The following CEP95 variants were observed in gnomAD, a reference collection of about 807,000 sequenced individuals.
CEP95 encodes centrosomal protein of 95 kDa.
Under a neutral mutation model 111.2 loss-of-function variants are expected in CEP95, and 98 were observed. That is an observed-to-expected ratio of 0.88 (90% CI 0.75 to 1.04). The LOEUF is 1.04. Ranked by LOEUF, CEP95 falls within the 50% of genes least tolerant of loss-of-function variation. The pLI is 0.00. For missense variants in CEP95, 1,027 were observed against 977.2 expected (o/e 1.05, Z -0.68); for synonymous variants, 323 against 327.1 (o/e 0.99, Z 0.14).
rs1555680775 is a variant in CEP95, at chr17:64,533,150, A to G, written c.1876A>G (p.Thr626Ala). 2 of 1,595,054 alleles carry G rather than the reference A, an allele frequency of 1.3e-6. No individual in the cohort carries two copies. Among genetic ancestry groups the G allele is most frequent in the East Asian group, 4.5e-5 (2 of 44,828 alleles). The change falls in exon 16 of 20, where the codon ACT becomes GCT. Residue 626 changes from threonine (T) to alanine (A), a missense_variant. Physicochemically the swap from Thr to Ala is moderately conservative, Grantham distance 58 (BLOSUM62 0). Transcript: ENST00000556440. ...EEALRRHDLL[T>A]TLVKKEYEHN... Reference sequence around the variant, plus strand: ...AGCCCTAAGAAGGCATGACCTCCTTACTACCCTTGTCAAGAAAGAATATGA... The same window carrying G: ...AGCCCTAAGAAGGCATGACCTCCTTGCTACCCTTGTCAAGAAAGAATATGA...
chr17:64,519,297 G>A (rs782065405), intron 5 of CEP95, 24 bp from the exon 6 acceptor site: 2 of 1,567,052 alleles, frequency 1.3e-6, no homozygotes, highest in African/African-American at 2.7e-5. Context: ...GCTGGGCCCT[G>A]AGTGAAGGAG....
At chr17:64,515,614 A>G (rs552059001) in intron 4 of CEP95, 13 of 152,258 alleles carry the variant, frequency 8.5e-5, no homozygotes, top group African/African-American at 3.1e-4. Context: ...CCCAGGGGAG[A>G]TCGGCAGTAT....
intron 3 of CEP95, among the ~76,000 whole-genome samples, chr17:64,513,678 T>G (rs1555675655): frequency 6.6e-6 from 1 of 152,120 alleles, no homozygotes; most frequent in Non-Finnish European, 1.5e-5. Flanking sequence ...AATGGTATGA[T>G]CTATACAAAA....
At chr17:64,534,508 G>A in intron 16 of CEP95, 77 bp from the exon 17 acceptor site, 1 of 1,321,074 alleles carries the variant, frequency 7.6e-7, no homozygotes, top group Non-Finnish European at 1.1e-6. Flanking sequence ...GTGATGGGGA[G>A]TGAGGCAGAT....
chr17:64,526,181 G>A lies in CEP95; in HGVS notation c.1133G>A (p.Arg378Gln), dbSNP rs782566258. ...GATGTATCAGAAAAACTCTCTCAGC[G>A]GCTTTCTGAACTAGATTGGGCAAGT... ...LHDVSEKLSQ[R>Q]LSELDWMLKS... The change falls in exon 10 of 20, where the codon CGG (arginine) becomes CAG (glutamine). Residue 378 changes from arginine (R) to glutamine (Q), a missense_variant. By Grantham distance (43) the Arg-to-Gln change is conservative (BLOSUM62 1). Coordinates refer to ENST00000556440, the MANE Select transcript of CEP95 (RefSeq NM_138363.3). The A allele has an allele frequency of 5.1e-5, 82 of 1,612,338 alleles. No homozygotes were observed. Among genetic ancestry groups the A allele is most frequent in the Non-Finnish European group, 6.4e-5 (76 of 1,179,438 alleles).
chr17:64,510,694 T>C (rs2038846111), intron 3 of CEP95, among the ~76,000 whole-genome samples: 1 of 152,128 alleles, frequency 6.6e-6, no homozygotes, highest in African/African-American at 2.4e-5. Context: ...GGGCTACAGG[T>C]GTGCACCACC....
At chr17:64,518,559 C>G (rs1967055087) in intron 5 of CEP95, among the ~76,000 whole-genome samples, 1 of 152,202 alleles carries the variant, frequency 6.6e-6, no homozygotes, top group African/African-American at 2.4e-5. Context: ...GATTGCACTT[C>G]TTGCTAACTA....
At chr17:64,508,875 T>C (rs1555673904) in intron 2 of CEP95, among the ~76,000 whole-genome samples, 155 bp downstream of exon 2, 1 of 150,858 alleles carries the variant, frequency 6.6e-6, no homozygotes, top group East Asian at 1.9e-4. Flanking sequence ...TAATATACAA[T>C]ATTAAAATAA....
rs1555677793 is a variant in CEP95 at position 64,521,430 on chromosome 17, T to C, written c.618T>C (p.Ser206=). 6.2e-7 allele frequency: 1 copy of C among 1,612,194 alleles called. No homozygotes were observed. Among genetic ancestry groups the C allele is most frequent in the Admixed American group, 1.7e-5 (1 of 59,954 alleles). Residue 206 remains serine, a synonymous_variant, in exon 7 of 20, where the codon TCT becomes TCC. Transcript: ENST00000556440. ...CTCAATGTCCTAATGAAATGCTGTC[T>C]AAAAAAGCCTTAGCCTCACCAAGTT... ...NGAQCPNEML[S]KKALASPSSK... is the part of the protein sequence containing the mutation.
chr17:64,536,742 G>A lies in CEP95; in HGVS notation c.2211G>A (p.Lys737=), dbSNP rs2144557844. The A allele has an allele frequency of 1.9e-6, 3 of 1,596,742 alleles. No individual in the cohort carries two copies. The highest frequency in any genetic ancestry group is 4.5e-5 in the East Asian group (2 of 44,824). ...DELDSMENYY[K]DQFSLLAEAI... The stretch of plus-strand genomic sequence containing the variant: ...TGGACTCCATGGAGAACTACTATAA[G>A]GACCAGGTGGGCTCCTGGCACTTGC... Residue 737 remains lysine (K), a synonymous_variant, in exon 18 of 20, where the codon AAG becomes AAA. Transcript: ENST00000556440.
chr17:64,532,256 C>T (rs972715253), intron 14 of CEP95: 1 of 1,224,300 alleles, frequency 8.2e-7, no homozygotes, highest in African/African-American at 1.6e-5. Flanking sequence ...GGACTGCCAC[C>T]TGCTGCTCCA....
At position 64,507,131 on chromosome 17, in the gene CEP95, G is replaced by T; in HGVS notation, c.19+15G>T. The T allele has an allele frequency of 6.4e-7, 1 of 1,551,458 alleles. No individual in the cohort carries two copies. The highest frequency in any genetic ancestry group is 8.7e-7 in the Non-Finnish European group (1 of 1,146,942). On this transcript the variant is annotated intron_variant, in intron 1 of 19. Transcript: ENST00000556440. ...CTCGGATGCTGGTGAGTGTCTCCCT[G>T]GGGTCCCAGTATGTGTGGACTGAAA...
intron 8 of CEP95, among the ~76,000 whole-genome samples, chr17:64,525,484 G>T (rs1555678872): frequency 1.3e-5 from 2 of 152,132 alleles, no homozygotes; most frequent in South Asian, 4.1e-4. Flanking sequence ...TTGTTGCTCA[G>T]GTATAGTGGT....
At chr17:64,512,710 A>G (rs1241311647) in intron 3 of CEP95, among the ~76,000 whole-genome samples, 13 of 152,222 alleles carry the variant, frequency 8.5e-5, no homozygotes, top group South Asian at 2.1e-4. Context: ...CGAAGAGAAT[A>G]AAATACTCTT....
Position 64,534,800 on chromosome 17 carries a change from CCTT to C in CEP95, c.2070+67_2070+69del, listed in dbSNP as rs782604074. The C allele has an allele frequency of 1.5e-5, 23 of 1,557,374 alleles. No homozygotes were observed. The East Asian group carries it at 4.7e-4, about 32-fold the overall frequency. Reference sequence around the variant, plus strand: ...TGAACTTTGTTATCTTTCAGGACCACCTTCTTTGTTCGTGACTCTTGTCCAAAT... The same window carrying C: ...TGAACTTTGTTATCTTTCAGGACCACCTTTGTTCGTGACTCTTGTCCAAAT... On this transcript the variant is annotated intron_variant, in intron 17 of 19. Transcript: ENST00000556440.
At position 64,519,366 on chromosome 17, in the gene CEP95, T is replaced by C; in HGVS notation, c.519T>C (p.Asp173=). The C allele has an allele frequency of 1.9e-6, 3 of 1,613,790 alleles. No homozygotes were observed. The highest frequency in any genetic ancestry group is 1.3e-5 in the African/African-American group (1 of 75,032). The change falls in exon 6 of 20, where the codon GAT becomes GAC. Residue 173 remains aspartate (D), a synonymous_variant. Transcript: ENST00000556440. The part of the protein sequence containing the change: ...SEMLGPSWDG[D]EAESTGEIIR... Reference sequence around the variant, plus strand: ...TGTTGGGCCCCTCTTGGGATGGAGATGAAGCAGAATCCACTGGTGAAATCA... The same window carrying C: ...TGTTGGGCCCCTCTTGGGATGGAGACGAAGCAGAATCCACTGGTGAAATCA...
At chr17:64,524,265 A>G (rs1417596837) in intron 8 of CEP95, among the ~76,000 whole-genome samples, 2 of 152,186 alleles carry the variant, frequency 1.3e-5, no homozygotes, top group African/African-American at 4.8e-5. Flanking sequence ...TAAAAGTTTT[A>G]TTAAAATATG....
chr17:64,522,847 C>T lies in CEP95; in HGVS notation c.861C>T (p.His287=). 1 of 1,613,218 alleles carries T rather than the reference C, an allele frequency of 6.2e-7. No individual in the cohort carries two copies. Among genetic ancestry groups the T allele is most frequent in the South Asian group, 1.1e-5 (1 of 91,020 alleles). Residue 287 remains histidine (H), a synonymous_variant, in exon 8 of 20, where the codon CAC becomes CAT. Coordinates refer to ENST00000556440, the MANE Select transcript of CEP95 (RefSeq NM_138363.3). ...GAAAAGAATACTTGCATTCAAGTCACTGCTCCCCAGCCGTAAATTCTACTG... is the reference window on the plus strand; with the variant it reads ...GAAAAGAATACTTGCATTCAAGTCATTGCTCCCCAGCCGTAAATTCTACTG... ...PIGKEYLHSS[H]CSPAVNSTGE...
intron 11 of CEP95, among the ~76,000 whole-genome samples, chr17:64,527,640 T>G (rs1967926879): frequency 6.6e-6 from 1 of 152,144 alleles, no homozygotes; most frequent in African/African-American, 2.4e-5. Flanking sequence ...GTTTAAAAAT[T>G]TACATACTGT....
Sources: gnomAD v4.1 joint callset for allele counts (sites outside exome capture counted in the v4.1 genomes callset) on GRCh38, gnomAD v4.1.1 for gene constraint, MANE v1.5 for transcripts, NCBI Gene and HGNC (gene_info 2026-07-23, HGNC 2026-07-21) for gene names.